PTPRN2: variants seen among roughly 807,000 people sequenced by gnomAD.
PTPRN2 encodes protein tyrosine phosphatase receptor type N2.
In PTPRN2, 74 loss-of-function variants were observed where a neutral mutation model predicts 118.8. The ratio of observed to expected loss-of-function variants is 0.62; its 90% CI spans 0.52 to 0.76. The LOEUF (loss-of-function observed/expected upper bound fraction) is 0.76. Ranked by LOEUF, PTPRN2 falls within the 30% of genes least tolerant of loss-of-function variation. The pLI is 0.00. For missense variants in PTPRN2, 1,481 were observed against 1,394.4 expected (o/e 1.06, Z -0.99); for synonymous variants, 641 against 608.0 (o/e 1.05, Z -0.80).
chr7:158,500,051 AG>A (rs1249131088), intron 1 of PTPRN2, among the ~76,000 whole-genome samples: 1 of 148,064 alleles, frequency 6.8e-6, no homozygotes, highest in African/African-American at 2.5e-5. Flanking sequence ...AAAAAAAAAA[AG>A]GTTTATTTTG....
intron 11 of PTPRN2, among the ~76,000 whole-genome samples, chr7:157,979,830 C>A (rs1803004866): frequency 6.6e-6 from 1 of 152,220 alleles, no homozygotes; most frequent in Non-Finnish European, 1.5e-5. Flanking sequence ...GGTCCCTCAG[C>A]TTCCTGCTCA....
intron 12 of PTPRN2, among the ~76,000 whole-genome samples, chr7:157,738,752 C>G (rs1800454932): frequency 6.6e-6 from 1 of 152,054 alleles, no homozygotes; most frequent in Non-Finnish European, 1.5e-5. Context: ...GAGCTCCGTG[C>G]TGTTTCTGGA....
chr7:158,141,539 G>A (rs2150470970), intron 6 of PTPRN2, among the ~76,000 whole-genome samples: 1 of 152,366 alleles, frequency 6.6e-6, no homozygotes, highest in South Asian at 2.1e-4. Flanking sequence ...TTCTTTGAGT[G>A]AAAATTTTTT....
At chr7:158,243,714 C>T (rs1796021948) in intron 3 of PTPRN2, among the ~76,000 whole-genome samples, 1 of 152,088 alleles carries the variant, frequency 6.6e-6, no homozygotes, top group South Asian at 2.1e-4. Context: ...CTAAGTACCT[C>T]CTAAGTTGTA....
intron 11 of PTPRN2, among the ~76,000 whole-genome samples, chr7:158,071,472 GTGGAGGTTCTCATGGTGC>G (rs1243814555): frequency 5.1e-5 from 7 of 138,434 alleles, no homozygotes; most frequent in African/African-American, 8.7e-5. Context: ...GCTCGTGGTG[GTGGAGGTTCTCATGGTGC>G]AGGTGCTCCT....
intron 13 of PTPRN2, among the ~76,000 whole-genome samples, chr7:157,675,214 C>T (rs1020698814): frequency 1.3e-5 from 2 of 152,222 alleles, no homozygotes; most frequent in South Asian, 2.1e-4. Context: ...GCCTGCCTCC[C>T]GCCATGGGCA....
intron 13 of PTPRN2, among the ~76,000 whole-genome samples, chr7:157,657,985 C>T (rs550675131): frequency 5.5e-5 from 8 of 146,662 alleles, no homozygotes; most frequent in African/African-American, 1.0e-4. Flanking sequence ...ACCACACACA[C>T]GTCACAGACA....
At position 158,205,033 on chromosome 7, in the gene PTPRN2, C is replaced by G. The variant is rs947459677; in HGVS notation, c.380+138G>C. On this transcript the variant is annotated intron_variant, in intron 4 of 22. Coordinates refer to ENST00000389418, the MANE Select transcript of PTPRN2 (RefSeq NM_002847.5). Reference sequence around the variant, plus strand: ...AACCAAACTTTTCCTTACAGACATCCTAACTTTCTGAAACGTCTGCACCAG... The same window carrying G: ...AACCAAACTTTTCCTTACAGACATCGTAACTTTCTGAAACGTCTGCACCAG... 5.5e-6 allele frequency: 4 copies of G among 731,550 alleles called. No homozygotes were observed. The African/African-American group carries it at 7.1e-5, about 13-fold the overall frequency. 45.3% of individuals were successfully genotyped at this position (731,550 alleles called of 1,614,324 possible).
chr7:157,728,174 C>T (rs771716422), intron 12 of PTPRN2, among the ~76,000 whole-genome samples: 16 of 152,216 alleles, frequency 1.1e-4, no homozygotes, highest in Non-Finnish European at 1.6e-4. Flanking sequence ...CCGGGTCCCA[C>T]GAAGCCAGGA....
intron 3 of PTPRN2, among the ~76,000 whole-genome samples, chr7:158,307,155 C>T (rs967201867): frequency 2.0e-5 from 3 of 152,180 alleles, no homozygotes; most frequent in South Asian, 2.1e-4. Context: ...GCATGAGCCA[C>T]TGTGCCCAGA....
intron 12 of PTPRN2, among the ~76,000 whole-genome samples, chr7:157,877,123 C>G (rs2008464): frequency 0.98 from 143,097 of 145,348 alleles, 70,433 homozygotes; most frequent in South Asian, 0.99. Context: ...GGGACCCCGG[C>G]TCCGAGTGCC....
chr7:157,844,110 G>T (rs1224184433), intron 12 of PTPRN2, among the ~76,000 whole-genome samples: 3 of 151,336 alleles, frequency 2.0e-5, no homozygotes, highest in Admixed American at 2.0e-4. Context: ...CCTCCACATC[G>T]TGGGTGTGGA....
chr7:158,197,101 T>C (rs992434550), intron 4 of PTPRN2, among the ~76,000 whole-genome samples: 4 of 152,224 alleles, frequency 2.6e-5, no homozygotes, highest in African/African-American at 9.6e-5. Context: ...CAAAATCGTA[T>C]TCAGAAAAAG....
At chr7:158,401,998 G>A (rs1812982433) in intron 2 of PTPRN2, among the ~76,000 whole-genome samples, 1 of 152,138 alleles carries the variant, frequency 6.6e-6, no homozygotes, top group East Asian at 1.9e-4. Flanking sequence ...AGGGAGAGGT[G>A]GGAAACGGGG....
intron 12 of PTPRN2, among the ~76,000 whole-genome samples, chr7:157,685,164 G>A (rs1797117186): frequency 6.6e-6 from 1 of 151,836 alleles, no homozygotes; most frequent in Admixed American, 6.6e-5. Context: ...CGCGACCGGC[G>A]GAGGGGGCGC....
chr7:157,646,422 T>C (rs919405946), intron 14 of PTPRN2, among the ~76,000 whole-genome samples: 2 of 152,170 alleles, frequency 1.3e-5, no homozygotes, highest in African/African-American at 4.8e-5. Context: ...GACTGGATAC[T>C]TCCTGAGGCC....
At chr7:157,951,710 C>T (rs920717012) in intron 11 of PTPRN2, among the ~76,000 whole-genome samples, 15 of 152,266 alleles carry the variant, frequency 9.9e-5, no homozygotes, top group African/African-American at 3.6e-4. Flanking sequence ...ACATTAGCTG[C>T]TGTGCGTCCC....
intron 10 of PTPRN2, among the ~76,000 whole-genome samples, chr7:158,100,345 C>G (rs1815134878): frequency 6.6e-6 from 1 of 151,618 alleles, no homozygotes; most frequent in Non-Finnish European, 1.5e-5. Flanking sequence ...TTTGCAATTG[C>G]AAATTGTGCT....
chr7:158,370,040 G>C (rs1335507617), intron 2 of PTPRN2, among the ~76,000 whole-genome samples: 1 of 152,158 alleles, frequency 6.6e-6, no homozygotes, highest in Non-Finnish European at 1.5e-5. Flanking sequence ...ACCGTGAACA[G>C]GAGCTTAGCT....
Sources: allele counts gnomAD v4.1 joint callset (sites outside exome capture counted in the v4.1 genomes callset), GRCh38; gene constraint gnomAD v4.1.1; transcripts MANE v1.5; gene names NCBI Gene and HGNC (gene_info 2026-07-23, HGNC 2026-07-21).